The following CA8 variants were observed in gnomAD, a reference collection of about 807,000 sequenced individuals.
CA8 encodes carbonic anhydrase-related protein.
In CA8, 22 loss-of-function variants were observed where a neutral mutation model predicts 41.4. The observed-to-expected ratio is 0.53, with a 90% CI of 0.38 to 0.76. CA8 has a LOEUF of 0.76. Among genes scored for constraint, CA8 ranks in the 30% least tolerant of loss-of-function variants. The pLI is 0.00. For synonymous variants in CA8, 121 were observed against 130.6 expected, an observed-to-expected ratio of 0.93 and a Z score of 0.50; for missense variants, 270 against 352.8, an observed-to-expected ratio of 0.77 and a Z score of 1.88.
At chr8:60,209,890 T>C (rs1806774465) in intron 7 of CA8, among the ~76,000 whole-genome samples, 1 of 152,122 alleles carries the variant, frequency 6.6e-6, no homozygotes, top group African/African-American at 2.4e-5. Context: ...CACCCTACAG[T>C]TTCTCTAAGA....
chr8:60,269,100 C>T (rs746208890), intron 2 of CA8, among the ~76,000 whole-genome samples: 3 of 152,110 alleles, frequency 2.0e-5, no homozygotes, highest in Non-Finnish European at 2.9e-5. Context: ...CAGAGTTTTA[C>T]GAGGTGCCAG....
intron 3 of CA8, among the ~76,000 whole-genome samples, chr8:60,238,465 C>T (rs1243754261): frequency 6.6e-6 from 1 of 152,086 alleles, no homozygotes; most frequent in African/African-American, 2.4e-5. Flanking sequence ...CTTGACACCT[C>T]AAGATGAACA....
At chr8:60,204,771 T>C (rs1226302151) in intron 8 of CA8, among the ~76,000 whole-genome samples, 1 of 152,186 alleles carries the variant, frequency 6.6e-6, no homozygotes, top group Non-Finnish European at 1.5e-5. Context: ...TGTTAAATTA[T>C]CAGAGGAGAG....
intron 3 of CA8, among the ~76,000 whole-genome samples, chr8:60,259,968 G>A (rs1000189437): frequency 1.2e-4 from 19 of 152,236 alleles, no homozygotes; most frequent in African/African-American, 4.6e-4. Flanking sequence ...CAGAAGAGCT[G>A]AACATTCAAA....
chr8:60,223,645 A>G (rs1807325470), intron 6 of CA8, among the ~76,000 whole-genome samples: 1 of 152,236 alleles, frequency 6.6e-6, no homozygotes, highest in Non-Finnish European at 1.5e-5. Context: ...CAACAGCAAA[A>G]TACTAAAATC....
chr8:60,201,299 T>C (rs565241538), intron 8 of CA8, among the ~76,000 whole-genome samples: 1 of 152,176 alleles, frequency 6.6e-6, no homozygotes, highest in Non-Finnish European at 1.5e-5. Context: ...GGAATGTAAA[T>C]GAGTCATGTG....
At chr8:60,244,098 C>T (rs1373688619) in intron 3 of CA8, among the ~76,000 whole-genome samples, 1 of 152,220 alleles carries the variant, frequency 6.6e-6, no homozygotes, top group African/African-American at 2.4e-5. Flanking sequence ...TCAGTTCCCA[C>T]CTCTGGTGAT....
At chr8:60,243,851 G>T (rs777347152) in intron 3 of CA8, among the ~76,000 whole-genome samples, 1 of 151,954 alleles carries the variant, frequency 6.6e-6, no homozygotes, top group African/African-American at 2.4e-5. Context: ...ACAGGGTTCC[G>T]CCCTAACACC....
intron 7 of CA8, among the ~76,000 whole-genome samples, chr8:60,222,080 C>T (rs1393818309): frequency 6.6e-6 from 1 of 152,134 alleles, no homozygotes; most frequent in Non-Finnish European, 1.5e-5. Context: ...CCTCATGTTC[C>T]ACCAGCTAAC....
intron 8 of CA8, chr8:60,208,544 A>T (rs1237632761): frequency 3.5e-6 from 2 of 569,336 alleles, no homozygotes; most frequent in African/African-American, 3.8e-5. Context: ...AGGAAAATAT[A>T]ATCATAGTTT....
At chr8:60,239,550 G>A (rs28698649) in intron 3 of CA8, among the ~76,000 whole-genome samples, 21,620 of 152,156 alleles carry the variant, frequency 0.14, 3,359 homozygotes, top group African/African-American at 0.39. Context: ...AATTTGTGTT[G>A]GGCCATATTC....
chr8:60,227,845 C>CA (rs1464970384), intron 4 of CA8, among the ~76,000 whole-genome samples: 1 of 152,118 alleles, frequency 6.6e-6, no homozygotes, highest in East Asian at 1.9e-4. Context: ...AAAATGCTCC[C>CA]AAAAAATGGA....
At chr8:60,244,387 A>G (rs1808147684) in intron 3 of CA8, among the ~76,000 whole-genome samples, 1 of 152,218 alleles carries the variant, frequency 6.6e-6, no homozygotes, top group Non-Finnish European at 1.5e-5. Flanking sequence ...CACGAGGTAC[A>G]GTCCAACCTC....
chr8:60,232,076 T>G (rs1224562374), intron 4 of CA8, among the ~76,000 whole-genome samples: 1 of 152,118 alleles, frequency 6.6e-6, no homozygotes, highest in Non-Finnish European at 1.5e-5. Context: ...TGAAGAAAAT[T>G]TCTAATAAAT....
Position 60,224,546 on chromosome 8 carries a change from A to G in CA8, c.616T>C (p.Leu206=). 6.3e-7 allele frequency: 1 copy of G among 1,577,266 alleles called. No individual in the cohort carries two copies. Among genetic ancestry groups the G allele is most frequent in the Non-Finnish European group, 8.7e-7 (1 of 1,147,272 alleles). ...TCAGGTAAATACTCACCTGGTAATA[A>G]AGTGTTAGGATTAAAGCAAGGTATT... ...KTIPCFNPNT[L]LPDPLLRDYW... is the part of the protein sequence containing the mutation. The change falls in exon 6 of 9, where the codon TTA becomes CTA. Residue 206 remains leucine, a synonymous_variant. Transcript: ENST00000317995.
intron 7 of CA8, among the ~76,000 whole-genome samples, chr8:60,217,883 A>G (rs1176073671): frequency 2.6e-5 from 4 of 152,140 alleles, no homozygotes; most frequent in Non-Finnish European, 5.9e-5. Context: ...TGTGACCCAC[A>G]TCTTCATACT....
intron 3 of CA8, among the ~76,000 whole-genome samples, chr8:60,240,200 A>G (rs1356907737): frequency 6.6e-6 from 1 of 152,246 alleles, no homozygotes; most frequent in African/African-American, 2.4e-5. Flanking sequence ...AGGAGATACT[A>G]GCAGCAAAGC....
chr8:60,227,986 A>G (rs1807501950), intron 4 of CA8, among the ~76,000 whole-genome samples: 1 of 152,228 alleles, frequency 6.6e-6, no homozygotes. Flanking sequence ...CAAATAAACA[A>G]TCATTGCTTT....
chr8:60,212,331 T>C (rs1307068901), intron 7 of CA8, among the ~76,000 whole-genome samples: 4 of 152,248 alleles, frequency 2.6e-5, no homozygotes, highest in Admixed American at 2.0e-4. Context: ...CAAGTTCTAA[T>C]AGATTTATTT....
Sources: allele counts gnomAD v4.1 joint callset (sites outside exome capture counted in the v4.1 genomes callset), GRCh38; gene constraint gnomAD v4.1.1; transcripts MANE v1.5; gene names NCBI Gene and HGNC (gene_info 2026-07-23, HGNC 2026-07-21).